Variants in DNASE1L2 observed in about 807,000 individuals in gnomAD.
The protein encoded by DNASE1L2 is deoxyribonuclease-1-like 2.
A neutral mutation model predicts 31.8 loss-of-function variants in DNASE1L2; 35 were observed. The observed-to-expected ratio is 1.10, with a 90% CI of 0.84 to 1.46. The LOEUF (loss-of-function observed/expected upper bound fraction) is 1.46. Ranked by LOEUF, DNASE1L2 falls within the 40% of genes most tolerant of loss-of-function variation. The pLI, the probability that DNASE1L2 is intolerant of heterozygous loss-of-function variation, is 0.00. For synonymous variants in DNASE1L2, 211 were observed against 186.5 expected, an observed-to-expected ratio of 1.13 and a Z score of -1.07; for missense variants, 504 against 418.8, an observed-to-expected ratio of 1.20 and a Z score of -1.77.
At position 2,236,969 on chromosome 16, in the gene DNASE1L2, C is replaced by T. The variant is rs200032282; in HGVS notation, c.144+9C>T. On this transcript the variant is annotated intron_variant, in intron 2 of 6. Coordinates refer to ENST00000320700, the MANE Select transcript of DNASE1L2 (RefSeq NM_001374.3). ...GCAGCATCATCGCGAAGGTGGGGCC[C>T]GGGCCGGGGCGGGGCGGCGTTTAGG... 2.7e-3 allele frequency: 4,152 copies of T among 1,550,790 alleles called. 69 individuals carry two copies. The African/African-American group carries it at 0.044, about 16-fold the overall frequency.
In DNASE1L2 at chr16:2,237,219, G is replaced by A; in HGVS notation, c.235G>A (p.Val79Met). 5 of 1,571,674 alleles carry A rather than the reference G, an allele frequency of 3.2e-6. No individual in the cohort carries two copies. The highest frequency in any genetic ancestry group is 4.3e-6 in the Non-Finnish European group (5 of 1,159,246). ...CTGAGCGGGCCCCTGTCTCCGCAGCGTGTCCGAGCACGAGTACAGCTTTGT... is the reference window on the plus strand; with the variant it reads ...CTGAGCGGGCCCCTGTCTCCGCAGCATGTCCGAGCACGAGTACAGCTTTGT... Reference protein sequence around the residue: ...VSALMEQINSVSEHEYSFVSS... With the variant: ...VSALMEQINSMSEHEYSFVSS... Residue 79 changes from valine to methionine, a missense_variant and splice_region_variant, in exon 4 of 7, where the codon GTG becomes ATG. Coordinates refer to ENST00000320700, the MANE Select transcript of DNASE1L2 (RefSeq NM_001374.3).
Position 2,237,066 on chromosome 16 carries a change from T to C in DNASE1L2, c.173T>C (p.Val58Ala). Residue 58 changes from valine (V) to alanine (A), a missense_variant, in exon 3 of 7, where the codon GTG (valine) becomes GCG (alanine). Coordinates refer to ENST00000320700, the MANE Select transcript of DNASE1L2 (RefSeq NM_001374.3). ...KILAGYDLAL[V>A]QEVRDPDLSA... ...CTGGCTGGCTATGACCTCGCGCTGG[T>C]GCAGGAGGTGCGAGACCCAGACCTC... The C allele has an allele frequency of 1.9e-6, 3 of 1,549,494 alleles. No individual in the cohort carries two copies. The highest frequency in any genetic ancestry group is 2.6e-6 in the Non-Finnish European group (3 of 1,146,996).
At position 2,237,649 on chromosome 16, in the gene DNASE1L2, C is replaced by G; in HGVS notation, c.591C>G (p.Asp197Glu). Reference sequence around the variant, plus strand: ...ACGTGATCGACAAGTGGGGCACCGACGTAAGCCCACCCCTCGGTCCCGGGG... The same window carrying G: ...ACGTGATCGACAAGTGGGGCACCGAGGTAAGCCCACCCCTCGGTCCCGGGG... ...YLDVIDKWGT[D>E]DMLFLGDFNA... Residue 197 changes from aspartate (D) to glutamate (E), a missense_variant and splice_region_variant, in exon 5 of 7, where the codon GAC becomes GAG. By Grantham distance (45) the Asp-to-Glu change is conservative. Transcript: ENST00000320700. The G allele has an allele frequency of 3.8e-6, 6 of 1,597,018 alleles. No homozygotes were observed. The highest frequency in any genetic ancestry group is 5.1e-6 in the Non-Finnish European group (6 of 1,168,996).
chr16:2,238,325 G>A, intron 6 of DNASE1L2, 37 bp from the exon 7 acceptor site: 3 of 1,612,404 alleles, frequency 1.9e-6, no homozygotes, highest in Non-Finnish European at 2.5e-6. Context: ...TGTGGGTGGG[G>A]TGCACTTTTC....
rs369142455 is a variant in DNASE1L2, at chr16:2,237,483, G to C, written c.425G>C (p.Arg142Pro). 6.4e-7 allele frequency: 1 copy of C among 1,574,498 alleles called. No homozygotes were observed. The highest frequency in any genetic ancestry group is 1.2e-5 in the South Asian group (1 of 86,754). ...VKFSAPGTGE[R>P]APPLPSRRAL... ...TTCTCGGCCCCCGGCACCGGTGAGC[G>C]GGCCCCGCCCCTCCCCTCCCGCCGA... Residue 142 changes from arginine to proline, a missense_variant, in exon 5 of 7, where the codon CGG becomes CCG. Physicochemically the swap from Arg to Pro is moderately radical, Grantham distance 103 (BLOSUM62 -2). Coordinates refer to ENST00000320700, the MANE Select transcript of DNASE1L2 (RefSeq NM_001374.3).
At position 2,236,717 on chromosome 16, in the gene DNASE1L2, G is replaced by A. The variant is rs2093511918; in HGVS notation, c.-39-61G>A. The A allele has an allele frequency of 3.5e-6, 5 of 1,439,242 alleles. No individual in the cohort carries two copies. The South Asian group carries it at 5.9e-5, about 17-fold the overall frequency. The allele number at this position is 1,439,242 out of a possible 1,614,324, so 89.2% of individuals were successfully genotyped here. A position where few individuals can be genotyped will look rare whatever the true frequency, so the allele number is the denominator to read the frequency against. On this transcript the variant is annotated intron_variant, in intron 1 of 6. Transcript: ENST00000320700. ...GGGCGGATTCCGCGTCGCACTGGCC[G>A]TCAAGGGGCGGCCGCGGAGGGAAGG...
chr16:2,236,628 C>G (rs1169925820), intron 1 of DNASE1L2, 68 bp downstream of exon 1: 9 of 1,357,714 alleles, frequency 6.6e-6, no homozygotes, highest in East Asian at 2.9e-5. Flanking sequence ...TGCAGCTTCC[C>G]GCGCAGTGAG....
rs763579728 is a variant in DNASE1L2, at chr16:2,237,521, C to T, written c.463C>T (p.Pro155Ser). 6.3e-7 allele frequency: 1 copy of T among 1,596,562 alleles called. No individual in the cohort carries two copies. The highest frequency in any genetic ancestry group is 1.7e-5 in the Admixed American group (1 of 58,574). ...CCCCTCCCGCCGAGCTCTGACGCCCCCACCCCTTCCCGCAGCAGCACAGAA... is the reference window on the plus strand; with the variant it reads ...CCCCTCCCGCCGAGCTCTGACGCCCTCACCCCTTCCCGCAGCAGCACAGAA... ...PLPSRRALTP[P>S]PLPAAAQNLV... The change falls in exon 5 of 7, where the codon CCA (proline) becomes TCA (serine). Residue 155 changes from proline to serine, a missense_variant. Transcript: ENST00000320700.
rs1264499471 is a variant in DNASE1L2, at chr16:2,237,136, G to A, written c.233+10G>A. ...TGGAGCAGATCAACAGGTGTGGTGGGCAGGGCCCCTCGTCGCGACCCCCCG... is the reference window on the plus strand; with the variant it reads ...TGGAGCAGATCAACAGGTGTGGTGGACAGGGCCCCTCGTCGCGACCCCCCG... On this transcript the variant is annotated intron_variant, in intron 3 of 6. Transcript: ENST00000320700. 1.9e-6 allele frequency: 3 copies of A among 1,548,322 alleles called. No individual in the cohort carries two copies. Among genetic ancestry groups the A allele is most frequent in the Non-Finnish European group, 1.7e-6 (2 of 1,146,662 alleles).
At chr16:2,238,084 G>T in intron 6 of DNASE1L2, 66 bp downstream of exon 6, 2 of 1,522,890 alleles carry the variant, frequency 1.3e-6, no homozygotes, top group Non-Finnish European at 8.8e-7. Context: ...AGGCAGCAGG[G>T]AGGGTCCAGC....
rs373975787 is a variant in DNASE1L2, at chr16:2,238,008, A to T, written c.833A>T (p.Asp278Val). The stretch of plus-strand genomic sequence containing the variant: ...GACTTCCAGGAGGAATTCGGCCTGG[A>T]CCAGACTCAGGCGAGTGGGCCGTGG... ...VHDFQEEFGLDQTQALAISDH... is the reference protein window; with the variant it reads ...VHDFQEEFGLVQTQALAISDH... Residue 278 changes from aspartate (D) to valine (V), a missense_variant, in exon 6 of 7, where the codon GAC becomes GTC. Transcript: ENST00000320700. The T allele has an allele frequency of 6.3e-6, 10 of 1,599,358 alleles. No homozygotes were observed. The highest frequency in any genetic ancestry group is 2.0e-4 in the Middle Eastern group (1 of 5,030).
Position 2,238,446 on chromosome 16 carries a change from T to C in DNASE1L2, c.*28T>C, listed in dbSNP as rs1257908128. ...CGAGGCCTGGCTGGGGCATGCCACC[T>C]GCAGACCCTGGCTCTGAGGAATGGC... is the stretch of plus-strand genomic sequence containing the variant. On this transcript the variant is annotated 3_prime_UTR_variant, in exon 7 of 7. Coordinates refer to ENST00000320700, the MANE Select transcript of DNASE1L2 (RefSeq NM_001374.3). 5 of 1,612,690 alleles carry C rather than the reference T, an allele frequency of 3.1e-6. No homozygotes were observed. In the East Asian group the frequency reaches 8.9e-5, roughly 29 times the overall value.
chr16:2,238,454 C>T lies in DNASE1L2; in HGVS notation c.*36C>T, dbSNP rs2093519656. On this transcript the variant is annotated 3_prime_UTR_variant, in exon 7 of 7. Transcript: ENST00000320700. ...GGCTGGGGCATGCCACCTGCAGACC[C>T]TGGCTCTGAGGAATGGCCCAACAGT... The T allele has an allele frequency of 1.2e-6, 2 of 1,612,702 alleles. No homozygotes were observed. Among genetic ancestry groups the T allele is most frequent in the Non-Finnish European group, 1.7e-6 (2 of 1,179,686 alleles).
At chr16:2,237,704 T>C in intron 5 of DNASE1L2, 55 bp downstream of exon 5, 1 of 1,592,132 alleles carries the variant, frequency 6.3e-7, no homozygotes, top group Non-Finnish European at 8.6e-7. Flanking sequence ...GGGGTCTGGT[T>C]CATGAGGGCG....
chr16:2,237,490 G>GCCC lies in DNASE1L2; in HGVS notation c.434_436dup (p.Pro145dup). On this transcript the variant is annotated inframe_insertion, in exon 5 of 7. Coordinates refer to ENST00000320700, the MANE Select transcript of DNASE1L2 (RefSeq NM_001374.3). ...CCCCCGGCACCGGTGAGCGGGCCCCGCCCCTCCCCTCCCGCCGAGCTCTGA... is the reference window on the plus strand; with the variant it reads ...CCCCCGGCACCGGTGAGCGGGCCCCGCCCCCCCTCCCCTCCCGCCGAGCTCTGA... 1.9e-6 allele frequency: 2 copies of GCCC among 1,028,348 alleles called. No homozygotes were observed. Among genetic ancestry groups the GCCC allele is most frequent in the Non-Finnish European group, 1.4e-6 (1 of 729,840 alleles). 63.7% of individuals were successfully genotyped at this position (1,028,348 alleles called of 1,614,324 possible).
At position 2,236,450 on chromosome 16, in the gene DNASE1L2, A is replaced by C; in HGVS notation, c.-150A>C. On this transcript the variant is annotated 5_prime_UTR_variant, in exon 1 of 7. Transcript: ENST00000320700. Reference sequence around the variant, plus strand: ...CGGCCCCTGCCTTGGTGCCAGAGCTACTGCCAGAGGGAGTCAGTGCAGTCC... The same window carrying C: ...CGGCCCCTGCCTTGGTGCCAGAGCTCCTGCCAGAGGGAGTCAGTGCAGTCC... 1 of 1,062,786 alleles carries C rather than the reference A, an allele frequency of 9.4e-7. No individual in the cohort carries two copies. Among genetic ancestry groups the C allele is most frequent in the Non-Finnish European group, 1.1e-6 (1 of 880,690 alleles). The allele number at this position is 1,062,786 out of a possible 1,614,324, so 65.8% of individuals were successfully genotyped here.
At position 2,238,624 on chromosome 16, in the gene DNASE1L2, G is replaced by T; in HGVS notation, c.*206G>T. 1.6e-6 allele frequency: 1 copy of T among 640,340 alleles called. No individual in the cohort carries two copies. The highest frequency in any genetic ancestry group is 1.8e-5 in the South Asian group (1 of 55,998). 39.7% of individuals were successfully genotyped at this position (640,340 alleles called of 1,614,324 possible). ...ACGGGCTGCATCCAGCGACCTCATG[G>T]GGTGTTGTGAGCCCCATGAGGGGTG... On this transcript the variant is annotated 3_prime_UTR_variant, in exon 7 of 7. Coordinates refer to ENST00000320700, the MANE Select transcript of DNASE1L2 (RefSeq NM_001374.3).
intron 1 of DNASE1L2, 36 bp from the exon 2 acceptor site, chr16:2,236,742 G>C: frequency 6.8e-7 from 1 of 1,475,204 alleles, no homozygotes; most frequent in South Asian, 1.4e-5. Context: ...CGGAGGGAAG[G>C]GGTGGGTCGG....
Position 2,236,572 on chromosome 16 carries a change from G to T in DNASE1L2, c.-40+12G>T. ...CACCCACATCCAAGGTGAGTCTCTC[G>T]GCTGCCCTGAGCTGGGGCTGGATGG... is the stretch of plus-strand genomic sequence containing the variant. On this transcript the variant is annotated intron_variant, in intron 1 of 6. Coordinates refer to ENST00000320700, the MANE Select transcript of DNASE1L2 (RefSeq NM_001374.3). 1 of 1,286,582 alleles carries T rather than the reference G, an allele frequency of 7.8e-7. No homozygotes were observed. The highest frequency in any genetic ancestry group is 9.8e-7 in the Non-Finnish European group (1 of 1,020,180). 79.7% of individuals were successfully genotyped at this position (1,286,582 alleles called of 1,614,324 possible). A position where few individuals can be genotyped will look rare whatever the true frequency, so the allele number is the denominator to read the frequency against.
Sources: allele counts gnomAD v4.1 joint callset, GRCh38; gene constraint gnomAD v4.1.1; transcripts MANE v1.5; gene names NCBI Gene and HGNC (gene_info 2026-07-23, HGNC 2026-07-21).